DSCAM: variants seen among roughly 807,000 people sequenced by gnomAD.
DSCAM encodes DS cell adhesion molecule, also known as cell adhesion molecule DSCAM.
DSCAM carries 47 observed loss-of-function variants against 217.7 expected under a neutral mutation model. The observed-to-expected ratio is 0.22, with a 90% CI of 0.17 to 0.28. The LOEUF is 0.28. DSCAM is among the 10% of genes least tolerant of loss of function. The pLI is 1.00. For synonymous variants in DSCAM, 1,056 were observed against 1,015.3 expected (o/e 1.04, Z -0.76); for missense variants, 2,080 against 2,618.3 (o/e 0.79, Z 4.49).
rs568769777 is a variant in DSCAM at position 40,260,653 on chromosome 21, T to C, written c.2356+15444A>G. 3.9e-5 allele frequency among the ~76,000 whole-genome samples: 6 copies of C among 152,298 alleles called. No individual in the cohort carries two copies. The South Asian group carries it at 1.0e-3, about 26-fold the overall frequency. On this transcript the variant is annotated intron_variant, in intron 11 of 32. Coordinates refer to ENST00000400454, the MANE Select transcript of DSCAM (RefSeq NM_001389.5). The stretch of plus-strand genomic sequence containing the variant: ...GAGAAACATCTCCAAGCCTTGCCTG[T>C]CCATCAGCTTATTTCCATGTACCCA...
At chr21:40,759,492 T>A (rs1044679824) in intron 1 of DSCAM, among the ~76,000 whole-genome samples, 2 of 152,200 alleles carry the variant, frequency 1.3e-5, no homozygotes, top group African/African-American at 4.8e-5. Flanking sequence ...TGATCATGGA[T>A]AAATACCCAT....
chr21:40,843,993 A>C (rs929450112), intron 1 of DSCAM, among the ~76,000 whole-genome samples: 2 of 152,042 alleles, frequency 1.3e-5, no homozygotes, highest in Non-Finnish European at 2.9e-5. Flanking sequence ...AAAAGTTATC[A>C]TGTCAGGCAT....
In DSCAM at chr21:40,693,105, T is replaced by C. The variant is rs1024916490; in HGVS notation, c.362-149A>G. The C allele has an allele frequency of 3.2e-6, 3 of 937,792 alleles. No homozygotes were observed. In the African/African-American group the frequency reaches 4.9e-5, roughly 15 times the overall value. The allele number at this position is 937,792 out of a possible 1,614,324, so 58.1% of individuals were successfully genotyped here. On this transcript the variant is annotated intron_variant, in intron 2 of 32. Transcript: ENST00000400454. ...ACAGTTAAGATGCCTACATTTCACG[T>C]CTTTCATCGCCTGACTTAAGAAAAC...
At chr21:40,449,493 A>C (rs936492722) in intron 3 of DSCAM, among the ~76,000 whole-genome samples, 2 of 152,230 alleles carry the variant, frequency 1.3e-5, no homozygotes, top group Non-Finnish European at 2.9e-5. Context: ...TATTACATTC[A>C]CTTTTTAGAA....
chr21:40,455,761 T>G (rs1480836722), intron 3 of DSCAM, among the ~76,000 whole-genome samples: 1 of 151,852 alleles, frequency 6.6e-6, no homozygotes, highest in Non-Finnish European at 1.5e-5. Context: ...AAAGTGAGGC[T>G]CTCTCTCAAA....
intron 3 of DSCAM, among the ~76,000 whole-genome samples, chr21:40,478,494 C>A (rs2075955931): frequency 6.6e-6 from 1 of 152,102 alleles, no homozygotes; most frequent in South Asian, 2.1e-4. Context: ...AATAAAATAG[C>A]AAATTGTAAA....
At chr21:40,491,108 G>C (rs1267326080) in intron 3 of DSCAM, among the ~76,000 whole-genome samples, 1 of 152,124 alleles carries the variant, frequency 6.6e-6, no homozygotes, top group South Asian at 2.1e-4. Flanking sequence ...TATCATAAAA[G>C]AAAGTGCAAT....
chr21:40,562,451 C>T (rs1271074819), intron 3 of DSCAM, among the ~76,000 whole-genome samples: 1 of 152,124 alleles, frequency 6.6e-6, no homozygotes, highest in East Asian at 1.9e-4. Flanking sequence ...CAGTCTCAGG[C>T]CGTTCTTCAT....
At chr21:40,641,333 A>G (rs2089877078) in intron 3 of DSCAM, among the ~76,000 whole-genome samples, 1 of 152,172 alleles carries the variant, frequency 6.6e-6, no homozygotes, top group African/African-American at 2.4e-5. Flanking sequence ...AAACGGGGCG[A>G]GAGAAAACAG....
intron 2 of DSCAM, among the ~76,000 whole-genome samples, chr21:40,706,362 A>C (rs1489168913): frequency 6.6e-6 from 1 of 152,260 alleles, no homozygotes; most frequent in Non-Finnish European, 1.5e-5. Flanking sequence ...TCCAGCCCTT[A>C]GAACAGGCAA....
chr21:40,801,985 G>A (rs1260736177), intron 1 of DSCAM, among the ~76,000 whole-genome samples: 2 of 152,148 alleles, frequency 1.3e-5, no homozygotes, highest in Non-Finnish European at 2.9e-5. Flanking sequence ...AATATCTAAT[G>A]GAGCCATAGA....
intron 9 of DSCAM, among the ~76,000 whole-genome samples, chr21:40,304,206 T>C (rs1053647203): frequency 2.0e-5 from 3 of 152,236 alleles, no homozygotes; most frequent in African/African-American, 7.2e-5. Flanking sequence ...TAATTTATTT[T>C]AGATCAAGTC....
chr21:40,179,351 T>C (rs941728312), intron 14 of DSCAM, among the ~76,000 whole-genome samples: 3 of 152,066 alleles, frequency 2.0e-5, no homozygotes, highest in Non-Finnish European at 2.9e-5. Flanking sequence ...ACAAGCCAGC[T>C]GAGTTCAGGG....
At chr21:40,035,952 G>A (rs1342894865) in intron 32 of DSCAM, among the ~76,000 whole-genome samples, 1 of 148,926 alleles carries the variant, frequency 6.7e-6, no homozygotes, top group Non-Finnish European at 1.5e-5. Flanking sequence ...AAATAAAGAT[G>A]TTCTTTGAAA....
chr21:40,374,439 T>C (rs2074930022), intron 3 of DSCAM, among the ~76,000 whole-genome samples: 1 of 152,190 alleles, frequency 6.6e-6, no homozygotes, highest in Admixed American at 6.5e-5. Flanking sequence ...ATGATGTAGA[T>C]GAATTTTACA....
chr21:40,419,297 A>G (rs768182584), intron 3 of DSCAM, among the ~76,000 whole-genome samples: 2 of 152,120 alleles, frequency 1.3e-5, no homozygotes, highest in African/African-American at 2.4e-5. Flanking sequence ...ATATTTTTTA[A>G]ATGTATTCAA....
In DSCAM at chr21:40,156,327, GA is replaced by G. The variant is rs2090478398; in HGVS notation, c.3018+10890del. 3.4e-5 allele frequency among the ~76,000 whole-genome samples: 5 copies of G among 148,392 alleles called. No homozygotes were observed. The South Asian group carries it at 8.5e-4, about 25-fold the overall frequency. The stretch of plus-strand genomic sequence containing the variant: ...AGAGAGAGAGAGAGAGAGAGAGAGA[GA>G]GAGAGAGAGAGAAAGGGGCTTGTAA... On this transcript the variant is annotated intron_variant, in intron 16 of 32. Transcript: ENST00000400454.
At position 40,708,572 on chromosome 21, in the gene DSCAM, G is replaced by C; in HGVS notation, c.243C>G (p.Leu81=). ...GIRHVHPNGT[L]QIFPFPPSSF... ...TTGAAGGAGGGAAGGGGAAAATTTG[G>C]AGAGTGCCGTTGGGGTGGACGTGGC... The change falls in exon 2 of 33, where the codon CTC becomes CTG. Residue 81 remains leucine, a synonymous_variant. Coordinates refer to ENST00000400454, the MANE Select transcript of DSCAM (RefSeq NM_001389.5). 2.5e-6 allele frequency: 4 copies of C among 1,605,778 alleles called. No homozygotes were observed. Among genetic ancestry groups the C allele is most frequent in the Non-Finnish European group, 3.4e-6 (4 of 1,175,176 alleles).
chr21:40,282,868 T>C (rs913950787), intron 10 of DSCAM, among the ~76,000 whole-genome samples: 1 of 152,232 alleles, frequency 6.6e-6, no homozygotes, highest in Non-Finnish European at 1.5e-5. Context: ...AAGGATGATC[T>C]GTTTATTCCT....
Sources: allele counts gnomAD v4.1 joint callset (sites outside exome capture counted in the v4.1 genomes callset), GRCh38; gene constraint gnomAD v4.1.1; transcripts MANE v1.5; gene names NCBI Gene and HGNC (gene_info 2026-07-23, HGNC 2026-07-21).